CLIP1: variants seen among roughly 807,000 people sequenced by gnomAD.
CLIP1 encodes CAP-Gly domain-containing linker protein 1.
Under a neutral mutation model 161.6 loss-of-function variants are expected in CLIP1, and 66 were observed. The observed-to-expected ratio is 0.41, with a 90% CI of 0.33 to 0.50. CLIP1 has a LOEUF of 0.50. Ranked by LOEUF, CLIP1 falls within the 20% of genes least tolerant of loss-of-function variation. CLIP1 has a pLI of 0.27. For missense variants in CLIP1, 1,376 were observed against 1,702.0 expected, an observed-to-expected ratio of 0.81 and a Z score of 3.37; for synonymous variants, 598 against 626.2, an observed-to-expected ratio of 0.96 and a Z score of 0.67.
intron 24 of CLIP1, chr12:122,274,646 TCTA>T (rs1955326747): frequency 6.5e-6 from 1 of 153,078 alleles, no homozygotes; most frequent in African/African-American, 2.4e-5. Context: ...TTCAAGCAAT[TCTA>T]CTGTCTCAGC....
chr12:122,415,428 G>A (rs912423913), intron 1 of CLIP1, among the ~76,000 whole-genome samples: 5 of 148,158 alleles, frequency 3.4e-5, no homozygotes, highest in Admixed American at 2.1e-4. Context: ...CTTGCAGTGA[G>A]CCGAGATGGC....
intron 1 of CLIP1, among the ~76,000 whole-genome samples, chr12:122,418,210 C>A (rs1228710570): frequency 1.3e-5 from 2 of 152,096 alleles, no homozygotes; most frequent in African/African-American, 4.8e-5. Flanking sequence ...TCTAGAACAG[C>A]ACCTGGCACA....
chr12:122,349,733 C>T (rs1245699989), intron 9 of CLIP1, among the ~76,000 whole-genome samples: 6 of 152,190 alleles, frequency 3.9e-5, no homozygotes, highest in Admixed American at 3.3e-4. Context: ...TTGCGAGAAG[C>T]GCACAGGAAA....
chr12:122,337,611 A>T (rs1844248688), intron 11 of CLIP1, among the ~76,000 whole-genome samples: 1 of 152,188 alleles, frequency 6.6e-6, no homozygotes, highest in Non-Finnish European at 1.5e-5. Context: ...TAGTCAAAAT[A>T]GACTATTTTT....
At chr12:122,313,059 G>C (rs1951118703) in intron 19 of CLIP1, among the ~76,000 whole-genome samples, 2 of 152,192 alleles carry the variant, frequency 1.3e-5, no homozygotes, top group Non-Finnish European at 2.9e-5. Flanking sequence ...ATCAGGGGCA[G>C]GGGCTTTTTC....
intron 1 of CLIP1, among the ~76,000 whole-genome samples, chr12:122,390,293 T>C (rs537866060): frequency 2.8e-4 from 37 of 133,278 alleles, no homozygotes; most frequent in Non-Finnish European, 5.6e-4. Context: ...TATATATATA[T>C]ATATATATAT....
At chr12:122,305,210 C>T (rs1950821834) in intron 20 of CLIP1, among the ~76,000 whole-genome samples, 2 of 152,152 alleles carry the variant, frequency 1.3e-5, no homozygotes, top group East Asian at 3.8e-4. Flanking sequence ...ATAAATCAGA[C>T]ATATCAAAAG....
At chr12:122,352,219 G>A (rs1243562797) in intron 8 of CLIP1, among the ~76,000 whole-genome samples, 4 of 151,888 alleles carry the variant, frequency 2.6e-5, no homozygotes, top group Non-Finnish European at 5.9e-5. Flanking sequence ...CACCACGCCC[G>A]GCTAATTTTG....
chr12:122,390,197 A>ATATG (rs1555280492), intron 1 of CLIP1, among the ~76,000 whole-genome samples: 1 of 90,600 alleles, frequency 1.1e-5, no homozygotes, highest in Non-Finnish European at 2.6e-5. Context: ...ATATATATAT[A>ATATG]ATATATATAT....
rs192436506 is a variant in CLIP1, at chr12:122,336,620, A to G, written c.2568+12T>C. The G allele has an allele frequency of 7.3e-6, 10 of 1,373,912 alleles. No individual in the cohort carries two copies. The East Asian group carries it at 1.4e-4, about 19-fold the overall frequency. The allele number at this position is 1,373,912 out of a possible 1,614,324, so 85.1% of individuals were successfully genotyped here. On this transcript the variant is annotated intron_variant, in intron 12 of 25. Coordinates refer to ENST00000620786, the MANE Select transcript of CLIP1 (RefSeq NM_001247997.2). Reference sequence around the variant, plus strand: ...AGAAACCCTGAGATTCAGATTCCCAACAGGTACTTACCAAAATCTGAAGTT... The same window carrying G: ...AGAAACCCTGAGATTCAGATTCCCAGCAGGTACTTACCAAAATCTGAAGTT...
chr12:122,279,243 TA>T lies in CLIP1; in HGVS notation c.3648-99del, dbSNP rs5801472. 32,168 of 591,280 alleles carry T rather than the reference TA, an allele frequency of 0.054. No homozygotes were observed. The highest frequency in any genetic ancestry group is 0.072 in the East Asian group (1,930 of 26,730). The allele number at this position is 591,280 out of a possible 1,614,324, so 36.6% of individuals were successfully genotyped here. On this transcript the variant is annotated intron_variant, in intron 21 of 25. Coordinates refer to ENST00000620786, the MANE Select transcript of CLIP1 (RefSeq NM_001247997.2). This position sits in a 1 kb window ranked among gnomAD's most constrained non-coding sequence, Gnocchi z 4.5. ...AACACATAATTAATGTTAGTTAATGTAAAAAAAAAAATATAACAGGGAAGTT... is the reference window on the plus strand; with the variant it reads ...AACACATAATTAATGTTAGTTAATGTAAAAAAAAAATATAACAGGGAAGTT...
intron 17 of CLIP1, among the ~76,000 whole-genome samples, chr12:122,326,361 G>A (rs900351316): frequency 4.6e-5 from 7 of 151,446 alleles, no homozygotes; most frequent in Admixed American, 2.0e-4. Flanking sequence ...GCCAGGAATG[G>A]TGGCTCACGC....
intron 20 of CLIP1, among the ~76,000 whole-genome samples, chr12:122,307,410 T>G (rs373967272): frequency 5.3e-5 from 8 of 152,258 alleles, no homozygotes; most frequent in East Asian, 3.9e-4. Flanking sequence ...TCAGCTCAGT[T>G]CAACAAATTA....
intron 4 of CLIP1, among the ~76,000 whole-genome samples, chr12:122,362,537 A>G (rs927310888): frequency 2.8e-5 from 4 of 141,740 alleles, no homozygotes; most frequent in African/African-American, 1.0e-4. Context: ...GCTACTCGGG[A>G]GGCTGAAGCA....
At chr12:122,276,460 G>A (rs1566066748) in intron 24 of CLIP1, 6 of 1,288,820 alleles carry the variant, frequency 4.7e-6, no homozygotes, top group Non-Finnish European at 5.1e-6. Context: ...TGGAAGAAAA[G>A]TGTTGTCAGC....
intron 20 of CLIP1, among the ~76,000 whole-genome samples, chr12:122,297,934 A>T (rs1950535011): frequency 6.6e-6 from 1 of 152,156 alleles, no homozygotes; most frequent in East Asian, 1.9e-4. Context: ...CCCAGCATGG[A>T]TCACATCCAG....
chr12:122,359,666 C>G (rs1217397470), intron 5 of CLIP1, among the ~76,000 whole-genome samples: 1 of 152,158 alleles, frequency 6.6e-6, no homozygotes, highest in Non-Finnish European at 1.5e-5. Flanking sequence ...CTTATTCTAC[C>G]TGAACATAGA....
intron 18 of CLIP1, 108 bp downstream of exon 18, chr12:122,319,124 T>C (rs1036323335): frequency 4.0e-6 from 3 of 747,302 alleles, no homozygotes; most frequent in Non-Finnish European, 7.2e-6. Flanking sequence ...TTCAAACCTG[T>C]GTAAAGTCAC....
chr12:122,297,434 C>A (rs1950516684), intron 20 of CLIP1, among the ~76,000 whole-genome samples: 1 of 152,124 alleles, frequency 6.6e-6, no homozygotes, highest in African/African-American at 2.4e-5. Context: ...TAACCACGCA[C>A]TGTGTGAACG....
Sources: gnomAD v4.1 joint callset for allele counts (sites outside exome capture counted in the v4.1 genomes callset) on GRCh38, gnomAD v4.1.1 for gene constraint, Gnocchi (gnomAD v3.1) non-coding constraint, MANE v1.5 for transcripts, NCBI Gene and HGNC (gene_info 2026-07-23, HGNC 2026-07-21) for gene names.